The following HS2ST1 variants were observed in gnomAD, a reference collection of about 807,000 sequenced individuals.
The protein encoded by HS2ST1 is 2-O-sulfotransferase.
Under a neutral mutation model 42.9 loss-of-function variants are expected in HS2ST1, and 18 were observed. The ratio of observed to expected loss-of-function variants is 0.42; its 90% CI spans 0.29 to 0.62. The LOEUF is 0.62. Among genes scored for constraint, HS2ST1 ranks in the 20% least tolerant of loss-of-function variants. The pLI is 0.21. For missense variants in HS2ST1, 334 were observed against 433.8 expected (o/e 0.77, Z 2.04); for synonymous variants, 146 against 152.9 (o/e 0.95, Z 0.33).
In HS2ST1 at chr1:87,104,824, A is replaced by G. The variant is rs1652295409; in HGVS notation, c.*128A>G. ...AATTTGTATTGAGCCAAATTAGGAA[A>G]CAGACAGTAACGTCAAGGAAGTAGA... On this transcript the variant is annotated 3_prime_UTR_variant, in exon 7 of 7. Transcript: ENST00000370550. 1.6e-6 allele frequency: 1 copy of G among 607,066 alleles called. No individual in the cohort carries two copies. The highest frequency in any genetic ancestry group is 1.8e-5 in the African/African-American group (1 of 54,102). The allele number at this position is 607,066 out of a possible 1,614,324, so 37.6% of individuals were successfully genotyped here. A position where few individuals can be genotyped will look rare whatever the true frequency, so the allele number is the denominator to read the frequency against.
chr1:87,005,541 A>G (rs1398415827), intron 1 of HS2ST1, among the ~76,000 whole-genome samples: 2 of 152,188 alleles, frequency 1.3e-5, no homozygotes, highest in Non-Finnish European at 2.9e-5. Context: ...AAATAATAAC[A>G]CTGTAAACAT....
chr1:87,008,036 T>A (rs1649491941), intron 1 of HS2ST1, among the ~76,000 whole-genome samples: 1 of 152,174 alleles, frequency 6.6e-6, no homozygotes, highest in Admixed American at 6.5e-5. Flanking sequence ...TTGTAGCATA[T>A]AACTAAGAAA....
At position 87,109,165 on chromosome 1, in the gene HS2ST1, A is replaced by C. The variant is rs1013870637; in HGVS notation, c.*4469A>C. ...CTACCTGATGCAAAAGCTATAAAAT[A>C]AACAGTGGGAAGGGGAAAAATTGGT... On this transcript the variant is annotated 3_prime_UTR_variant, in exon 7 of 7. Coordinates refer to ENST00000370550, the MANE Select transcript of HS2ST1 (RefSeq NM_012262.4). 6.6e-6 allele frequency: 1 copy of C among 152,540 alleles called. No individual in the cohort carries two copies. Among genetic ancestry groups the C allele is most frequent in the Non-Finnish European group, 1.5e-5 (1 of 67,978 alleles). The allele number at this position is 152,540 out of a possible 1,614,324, so 9.4% of individuals were successfully genotyped here.
intron 1 of HS2ST1, among the ~76,000 whole-genome samples, chr1:86,942,617 T>G (rs900320266): frequency 1.3e-5 from 2 of 152,170 alleles, no homozygotes. Context: ...GGGGGGTACT[T>G]TTTCTGCAGC....
chr1:87,029,670 G>C (rs1333029314), intron 1 of HS2ST1, among the ~76,000 whole-genome samples: 5 of 152,140 alleles, frequency 3.3e-5, no homozygotes, highest in Non-Finnish European at 4.4e-5. Flanking sequence ...TCAATACTGA[G>C]TTTTGACTTA....
At position 86,914,707 on chromosome 1, in the gene HS2ST1, C is replaced by T. The variant is rs901343932; in HGVS notation, c.-330C>T. ...GAGGGAAGGAAGGAAGAGAGGGAGG[C>T]GGGCAAGCAGGCGGGCGCGGGGGTC... On this transcript the variant is annotated 5_prime_UTR_variant, in exon 1 of 7. Coordinates refer to ENST00000370550, the MANE Select transcript of HS2ST1 (RefSeq NM_012262.4). The T allele has an allele frequency of 2.9e-5, 9 of 307,798 alleles. No individual in the cohort carries two copies. Among genetic ancestry groups the T allele is most frequent in the East Asian group, 8.2e-5 (1 of 12,148 alleles). 19.1% of individuals were successfully genotyped at this position (307,798 alleles called of 1,614,324 possible).
chr1:87,081,506 G>A (rs1651687581), intron 2 of HS2ST1, among the ~76,000 whole-genome samples: 1 of 152,126 alleles, frequency 6.6e-6, no homozygotes, highest in South Asian at 2.1e-4. Context: ...TGGAAATACA[G>A]CCTTCCAAAA....
At chr1:87,007,534 G>T (rs530430753) in intron 1 of HS2ST1, among the ~76,000 whole-genome samples, 37 of 152,148 alleles carry the variant, frequency 2.4e-4, no homozygotes, top group Admixed American at 1.5e-3. Flanking sequence ...TAGCAAGGCT[G>T]GTTAAAATGT....
chr1:87,015,342 G>A (rs1428401983), intron 1 of HS2ST1, among the ~76,000 whole-genome samples: 2 of 119,726 alleles, frequency 1.7e-5, no homozygotes, highest in Admixed American at 1.2e-4. Context: ...CAACGTGCCT[G>A]GCCCTGTTTT....
intron 1 of HS2ST1, among the ~76,000 whole-genome samples, chr1:87,040,888 G>C (rs750576332): frequency 2.0e-5 from 3 of 152,080 alleles, no homozygotes; most frequent in African/African-American, 2.4e-5. Context: ...TCTTCAAGGA[G>C]AGTGAGTTCC....
At chr1:87,075,020 G>T (rs1473403375) in intron 2 of HS2ST1, among the ~76,000 whole-genome samples, 1 of 151,740 alleles carries the variant, frequency 6.6e-6, no homozygotes, top group Non-Finnish European at 1.5e-5. Context: ...AATCTAGTAA[G>T]CTTCATCTAA....
Position 87,097,831 on chromosome 1 carries a change from G to A in HS2ST1, c.589-7G>A, listed in dbSNP as rs143260332. On this transcript the variant is annotated splice_region_variant and splice_polypyrimidine_tract_variant and intron_variant, in intron 4 of 6. Transcript: ENST00000370550. ...GGCTTACCCGTGCTGCTTTGTCTTT[G>A]TTCTAGACCTTTGATGAATGTGTAG... is the stretch of plus-strand genomic sequence containing the variant. 6.1e-5 allele frequency: 99 copies of A among 1,613,868 alleles called. No homozygotes were observed. The East Asian group carries it at 2.1e-3, about 33-fold the overall frequency.
chr1:86,919,039 C>T (rs1240361605), intron 1 of HS2ST1, among the ~76,000 whole-genome samples: 1 of 151,306 alleles, frequency 6.6e-6, no homozygotes, highest in Non-Finnish European at 1.5e-5. Context: ...TGCAGTGGCA[C>T]GATTTCGGCT....
intron 1 of HS2ST1, among the ~76,000 whole-genome samples, chr1:87,051,082 A>C (rs1349107622): frequency 6.8e-6 from 1 of 147,688 alleles, no homozygotes; most frequent in Non-Finnish European, 1.5e-5. Flanking sequence ...TTAGTATGCT[A>C]TATTATTTTT....
At chr1:86,984,186 G>A (rs1286507042) in intron 1 of HS2ST1, among the ~76,000 whole-genome samples, 1 of 152,186 alleles carries the variant, frequency 6.6e-6, no homozygotes, top group Non-Finnish European at 1.5e-5. Flanking sequence ...AGGAGAGTCA[G>A]TTAATTTTTC....
intron 1 of HS2ST1, among the ~76,000 whole-genome samples, chr1:87,027,301 C>T (rs1650112554): frequency 6.6e-6 from 1 of 152,128 alleles, no homozygotes. Context: ...TATTCACTGT[C>T]TTTGAGTTTC....
chr1:86,993,062 TCAC>T (rs1557507945), intron 1 of HS2ST1: 1 of 1,587,518 alleles, frequency 6.3e-7, no homozygotes, highest in Admixed American at 1.8e-5. Flanking sequence ...CAGGGGAAGG[TCAC>T]CAAGTCTTTC....
At chr1:87,087,564 T>C (rs1190877017) in intron 3 of HS2ST1, among the ~76,000 whole-genome samples, 1 of 152,092 alleles carries the variant, frequency 6.6e-6, no homozygotes. Flanking sequence ...AACTAAATGC[T>C]TCATTAGGTC....
intron 1 of HS2ST1, among the ~76,000 whole-genome samples, chr1:86,997,223 G>T (rs1649128978): frequency 6.6e-6 from 1 of 152,136 alleles, no homozygotes; most frequent in African/African-American, 2.4e-5. Context: ...GAGGAGAACT[G>T]CAGAGAACTG....
Sources: allele counts gnomAD v4.1 joint callset (sites outside exome capture counted in the v4.1 genomes callset), GRCh38; gene constraint gnomAD v4.1.1; transcripts MANE v1.5; gene names NCBI Gene and HGNC (gene_info 2026-07-23, HGNC 2026-07-21).